Variants in ACYP2 observed in about 807,000 individuals in gnomAD.
ACYP2 encodes acylphosphatase-2.
A neutral mutation model predicts 11.2 loss-of-function variants in ACYP2; 12 were observed. The observed-to-expected ratio is 1.08, with a 90% confidence interval of 0.69 to 1.74. The LOEUF (loss-of-function observed/expected upper bound fraction) is 1.74, where lower values mean the gene tolerates loss of function less well. Ranked by LOEUF, ACYP2 falls within the 40% of genes most tolerant of loss-of-function variation. The pLI, the probability that ACYP2 is intolerant of heterozygous loss-of-function variation, is 0.00. For synonymous variants in ACYP2, 43 were observed against 32.2 expected, an observed-to-expected ratio of 1.33 and a Z score of -1.13; for missense variants, 134 against 101.9, an observed-to-expected ratio of 1.31 and a Z score of -1.35.
chr2:54,007,255 C>CTT (rs35008364), intron 2 of ACYP2, among the ~76,000 whole-genome samples: 1 of 120,738 alleles, frequency 8.3e-6, no homozygotes, highest in African/African-American at 3.1e-5. Flanking sequence ...CATGGTTTTT[C>CTT]TTTTTTTTTT....
intron 4 of ACYP2, among the ~76,000 whole-genome samples, chr2:54,112,914 G>T (rs552698509): frequency 6.6e-6 from 1 of 152,148 alleles, no homozygotes; most frequent in African/African-American, 2.4e-5. Context: ...CCTAATAATT[G>T]GCAGGGGTAC....
chr2:54,032,594 G>C (rs1266652106), intron 2 of ACYP2, among the ~76,000 whole-genome samples: 1 of 152,184 alleles, frequency 6.6e-6, no homozygotes, highest in Non-Finnish European at 1.5e-5. Flanking sequence ...GCTTAGGATT[G>C]TCTTGGCAAT....
intron 6 of ACYP2, among the ~76,000 whole-genome samples, chr2:54,143,849 G>C (rs898364800): frequency 5.3e-5 from 8 of 150,388 alleles, no homozygotes; most frequent in African/African-American, 2.0e-4. Context: ...CTTCATTCTG[G>C]AATAACTAAA....
At chr2:53,986,170 G>A (rs574273358) in intron 2 of ACYP2, among the ~76,000 whole-genome samples, 1 of 151,518 alleles carries the variant, frequency 6.6e-6, no homozygotes, top group Admixed American at 6.6e-5. Flanking sequence ...AAATAAAATA[G>A]CCTGGCACCT....
rs181895791 is a variant in ACYP2 at position 54,273,192 on chromosome 2, C to A, written c.405-31496C>A. Among the ~76,000 whole-genome samples, 192 of 152,284 alleles carry A rather than the reference C, an allele frequency of 1.3e-3. 1 individual carries two copies. Among genetic ancestry groups the A allele is most frequent in the African/African-American group, 4.4e-3 (184 of 41,566 alleles). ...TCCAAACCCAATTTTGAACAAATGACAAACTATGGTGCACATGCATTAACA... is the reference window on the plus strand; with the variant it reads ...TCCAAACCCAATTTTGAACAAATGAAAAACTATGGTGCACATGCATTAACA... On this transcript the variant is annotated intron_variant, in intron 6 of 6. Coordinates refer to ENST00000607452, the MANE Select transcript of ACYP2 (RefSeq NM_001320586.2).
intron 4 of ACYP2, among the ~76,000 whole-genome samples, chr2:54,100,623 T>A (rs1678842765): frequency 6.6e-6 from 1 of 152,158 alleles, no homozygotes; most frequent in South Asian, 2.1e-4. Context: ...TCCTCCTTTT[T>A]TAATACTCTA....
At chr2:54,091,488 A>ATTTT (rs1468874122) in intron 4 of ACYP2, among the ~76,000 whole-genome samples, 114 of 133,428 alleles carry the variant, frequency 8.5e-4, no homozygotes, top group African/African-American at 2.5e-3. Flanking sequence ...CACTCTCTTG[A>ATTTT]TTTTATTTAT....
chr2:54,141,919 C>A (rs370557619), intron 6 of ACYP2: 2 of 613,640 alleles, frequency 3.3e-6, no homozygotes, highest in African/African-American at 3.6e-5. Context: ...CTCACTGCAG[C>A]CTTGACCTTC....
chr2:54,253,527 C>G (rs1407387728), intron 6 of ACYP2: 1 of 152,174 alleles, frequency 6.6e-6, no homozygotes, highest in African/African-American at 2.4e-5. Context: ...TCAAAGAACC[C>G]TTCTCTAGGG....
At chr2:54,201,636 C>CTTTGTTTCTCTT (rs59874821) in intron 6 of ACYP2, among the ~76,000 whole-genome samples, 10 of 93,658 alleles carry the variant, frequency 1.1e-4, no homozygotes, top group African/African-American at 3.4e-4. Flanking sequence ...TTCTTTCTTT[C>CTTTGTTTCTCTT]TCTTTCTTTC....
chr2:53,993,230 A>T (rs1292120516), intron 2 of ACYP2, among the ~76,000 whole-genome samples: 1 of 152,162 alleles, frequency 6.6e-6, no homozygotes, highest in African/African-American at 2.4e-5. Context: ...TCGCTTTCTC[A>T]GATGAGAGAT....
chr2:54,144,414 G>A (rs1409041434), intron 6 of ACYP2, among the ~76,000 whole-genome samples: 2 of 152,054 alleles, frequency 1.3e-5, no homozygotes, highest in African/African-American at 4.8e-5. Context: ...GGTGGCTCAC[G>A]CCTGTAACCC....
chr2:54,155,557 C>T (rs1443237813), intron 6 of ACYP2, among the ~76,000 whole-genome samples: 7 of 152,104 alleles, frequency 4.6e-5, no homozygotes, highest in Non-Finnish European at 1.5e-5. Flanking sequence ...TTGTGAACTG[C>T]GCATGCGAGG....
intron 6 of ACYP2, among the ~76,000 whole-genome samples, chr2:54,291,521 T>G (rs925538883): frequency 6.6e-6 from 1 of 152,212 alleles, no homozygotes; most frequent in African/African-American, 2.4e-5. Context: ...TTTCACGTAC[T>G]GCAGACACTG....
At chr2:54,148,026 C>T (rs1160290231) in intron 6 of ACYP2, among the ~76,000 whole-genome samples, 1 of 152,024 alleles carries the variant, frequency 6.6e-6, no homozygotes, top group East Asian at 1.9e-4. Context: ...AATGTCTGGA[C>T]CAATGTCTCT....
At chr2:54,284,855 TG>T (rs1194706094) in intron 6 of ACYP2, among the ~76,000 whole-genome samples, 1 of 152,260 alleles carries the variant, frequency 6.6e-6, no homozygotes, top group East Asian at 1.9e-4. Flanking sequence ...ATCAGTTCTT[TG>T]GCCTGTGTTA....
intron 6 of ACYP2, among the ~76,000 whole-genome samples, chr2:54,178,869 AC>A (rs1683586351): frequency 6.6e-6 from 1 of 152,110 alleles, no homozygotes; most frequent in Admixed American, 6.6e-5. Flanking sequence ...TTATTCAGTG[AC>A]CCTTTGTGAG....
intron 2 of ACYP2, among the ~76,000 whole-genome samples, chr2:54,007,493 T>G (rs1673139177): frequency 6.6e-6 from 1 of 152,134 alleles, no homozygotes; most frequent in African/African-American, 2.4e-5. Flanking sequence ...GACCTTGTGA[T>G]CCACCCACCT....
chr2:54,111,231 G>C lies in ACYP2; in HGVS notation c.278-24222G>C, dbSNP rs527521343. 9.6e-4 allele frequency among the ~76,000 whole-genome samples: 146 copies of C among 152,284 alleles called. 1 individual carries two copies. Among genetic ancestry groups the C allele is most frequent in the African/African-American group, 3.2e-3 (134 of 41,546 alleles). ...AATTCCAAGTGGGGTGAAGCTCTGA[G>C]TCCCTACAAAAAGAATCCTGCAAAA... On this transcript the variant is annotated intron_variant, in intron 4 of 6. Coordinates refer to ENST00000607452, the MANE Select transcript of ACYP2 (RefSeq NM_001320586.2).
Sources: allele counts gnomAD v4.1 joint callset (sites outside exome capture counted in the v4.1 genomes callset), GRCh38; gene constraint gnomAD v4.1.1; transcripts MANE v1.5; gene names NCBI Gene and HGNC (gene_info 2026-07-23, HGNC 2026-07-21).